Variants in CAMK4 observed in about 807,000 individuals in gnomAD.
CAMK4 encodes calcium/calmodulin-dependent protein kinase type IV.
CAMK4 carries 22 observed loss-of-function variants against 44.9 expected under a neutral mutation model. That is an observed-to-expected ratio of 0.49 (90% CI 0.35 to 0.70). The LOEUF (loss-of-function observed/expected upper bound fraction) is 0.70. CAMK4 is among the 30% of genes least tolerant of loss of function. The probability of loss-of-function intolerance (pLI) is 0.01; values close to 1 mark genes in which losing one functional copy is unlikely to be tolerated. For missense variants in CAMK4, 498 were observed against 586.8 expected, an observed-to-expected ratio of 0.85 and a Z score of 1.56; for synonymous variants, 218 against 215.4, an observed-to-expected ratio of 1.01 and a Z score of -0.11.
At chr5:111,266,853 C>T (rs1271026018) in intron 1 of CAMK4, among the ~76,000 whole-genome samples, 1 of 152,228 alleles carries the variant, frequency 6.6e-6, no homozygotes, top group Admixed American at 6.5e-5. Context: ...TATTTGATGT[C>T]AATGACCACA....
intron 1 of CAMK4, among the ~76,000 whole-genome samples, chr5:111,293,346 ATTAAT>A (rs1274784982): frequency 1.3e-5 from 2 of 152,190 alleles, no homozygotes; most frequent in Admixed American, 6.5e-5. Flanking sequence ...TTTTAAACCT[ATTAAT>A]TTAAGGTTAT....
chr5:111,415,879 A>G (rs565278822), intron 5 of CAMK4, among the ~76,000 whole-genome samples: 9 of 152,364 alleles, frequency 5.9e-5, no homozygotes, highest in East Asian at 1.9e-4. Context: ...AACTATTTAC[A>G]TAGCATTTAC....
chr5:111,424,554 C>T (rs1431830940), intron 5 of CAMK4, among the ~76,000 whole-genome samples: 1 of 148,558 alleles, frequency 6.7e-6, no homozygotes, highest in Non-Finnish European at 1.5e-5. Context: ...ACGCCATTCT[C>T]CTGCCTCAGC....
At chr5:111,349,321 A>G (rs764606387) in intron 2 of CAMK4, among the ~76,000 whole-genome samples, 1 of 152,038 alleles carries the variant, frequency 6.6e-6, no homozygotes, top group Non-Finnish European at 1.5e-5. Context: ...GGTGAAGGAA[A>G]CAAGGCTAAC....
At chr5:111,256,342 G>A (rs1435499726) in intron 1 of CAMK4, among the ~76,000 whole-genome samples, 4 of 152,134 alleles carry the variant, frequency 2.6e-5, no homozygotes, top group African/African-American at 4.8e-5. Context: ...CTATTGTGGG[G>A]ATGTAATAGT....
At chr5:111,414,495 C>G (rs1006129544) in intron 5 of CAMK4, among the ~76,000 whole-genome samples, 1 of 152,056 alleles carries the variant, frequency 6.6e-6, no homozygotes, top group Non-Finnish European at 1.5e-5. Context: ...ATCAAAGATA[C>G]GGCAAAAATG....
At chr5:111,271,356 C>T (rs1750509714) in intron 1 of CAMK4, among the ~76,000 whole-genome samples, 1 of 152,186 alleles carries the variant, frequency 6.6e-6, no homozygotes, top group Non-Finnish European at 1.5e-5. Context: ...ATAGTCTCTA[C>T]CTTACATAAG....
chr5:111,356,637 G>T (rs1485261391), intron 2 of CAMK4, among the ~76,000 whole-genome samples: 2 of 152,312 alleles, frequency 1.3e-5, no homozygotes, highest in African/African-American at 4.8e-5. Flanking sequence ...ATGGTTTTAG[G>T]TCTAACATGT....
intron 5 of CAMK4, among the ~76,000 whole-genome samples, chr5:111,423,668 C>G (rs1753111137): frequency 1.3e-5 from 2 of 152,180 alleles, no homozygotes; most frequent in Non-Finnish European, 2.9e-5. Flanking sequence ...TGAGGGAGAG[C>G]CTTGTTACAC....
rs56174597 is a variant in CAMK4, at chr5:111,382,489, G to T, written c.386+5547G>T. Among the ~76,000 whole-genome samples, 1,027 of 152,252 alleles carry T rather than the reference G, an allele frequency of 6.7e-3. 14 individuals carry two copies. Among genetic ancestry groups the T allele is most frequent in the African/African-American group, 0.023 (974 of 41,558 alleles). On this transcript the variant is annotated intron_variant, in intron 4 of 10. Coordinates refer to ENST00000282356, the MANE Select transcript of CAMK4 (RefSeq NM_001744.6). ...TTAGTCATCAATGTAATTATCTAAT[G>T]AGTGATTCTGTAAAATGTGATTGTT... is the stretch of plus-strand genomic sequence containing the variant.
chr5:111,228,806 G>C (rs1748326219), intron 1 of CAMK4, among the ~76,000 whole-genome samples: 1 of 152,120 alleles, frequency 6.6e-6, no homozygotes, highest in Admixed American at 6.6e-5. Flanking sequence ...GGCAACATTG[G>C]GTGGTATCCT....
At chr5:111,390,147 G>A (rs406223) in intron 4 of CAMK4, among the ~76,000 whole-genome samples, 139,592 of 152,172 alleles carry the variant, frequency 0.92, 64,143 homozygotes, top group East Asian at 1. Context: ...TCATTCCCTA[G>A]ATATTGTAAT....
chr5:111,282,808 T>C (rs1751078436), intron 1 of CAMK4: 1 of 152,224 alleles, frequency 6.6e-6, no homozygotes, highest in Admixed American at 6.5e-5. Context: ...GAAAGTACAA[T>C]AAGTCAAAAG....
chr5:111,450,723 G>C (rs1754201301), intron 7 of CAMK4, among the ~76,000 whole-genome samples: 1 of 150,944 alleles, frequency 6.6e-6, no homozygotes. Flanking sequence ...GGGAGGTAGA[G>C]GTTACAGTGA....
At chr5:111,336,899 G>C (rs188797919) in intron 1 of CAMK4, among the ~76,000 whole-genome samples, 2 of 150,906 alleles carry the variant, frequency 1.3e-5, no homozygotes, top group African/African-American at 4.8e-5. Flanking sequence ...CCACATTTTG[G>C]TAATGTGGTT....
Position 111,224,570 on chromosome 5 carries a change from C to G in CAMK4, c.87C>G (p.Val29=). The change falls in exon 1 of 11, where the codon GTC becomes GTG. Residue 29 remains valine (V), a synonymous_variant. Transcript: ENST00000282356. The surrounding 1 kb of genome is among the most constrained non-coding windows in gnomAD (Gnocchi z 5.7). ...ASAAPGTASL[V]PDYWIDGSNR... ...CGGCCCCGGGGACCGCGAGCCTCGT[C>G]CCGGATTACTGGATCGACGGCTCCA... The G allele has an allele frequency of 6.2e-7, 1 of 1,612,536 alleles. No homozygotes were observed. Among genetic ancestry groups the G allele is most frequent in the Non-Finnish European group, 8.5e-7 (1 of 1,179,700 alleles).
chr5:111,381,855 T>A (rs1035401984), intron 4 of CAMK4, among the ~76,000 whole-genome samples: 10 of 152,168 alleles, frequency 6.6e-5, no homozygotes, highest in African/African-American at 2.4e-4. Flanking sequence ...ACTAATGTAT[T>A]TTCCTGATTT....
intron 1 of CAMK4, among the ~76,000 whole-genome samples, chr5:111,329,205 T>C (rs112407250): frequency 2.6e-5 from 4 of 151,902 alleles, no homozygotes; most frequent in African/African-American, 9.7e-5. Context: ...TCTCAATAAA[T>C]TAGGTATTGA....
At chr5:111,412,873 T>A (rs1752678450) in intron 5 of CAMK4, among the ~76,000 whole-genome samples, 1 of 152,156 alleles carries the variant, frequency 6.6e-6, no homozygotes, top group Admixed American at 6.6e-5. Context: ...TCCTAGAAAT[T>A]TCTACATAAT....
Sources: gnomAD v4.1 joint callset for allele counts (sites outside exome capture counted in the v4.1 genomes callset) on GRCh38, gnomAD v4.1.1 for gene constraint, Gnocchi (gnomAD v3.1) non-coding constraint, MANE v1.5 for transcripts, NCBI Gene and HGNC (gene_info 2026-07-23, HGNC 2026-07-21) for gene names.